URB1: variants seen among roughly 807,000 people sequenced by gnomAD.
URB1 encodes URB1 ribosome biogenesis factor, also known as nucleolar pre-ribosomal-associated protein 1.
URB1 carries 197 observed loss-of-function variants against 242.3 expected under a neutral mutation model. The observed-to-expected ratio is 0.81, with a 90% confidence interval of 0.72 to 0.91. The LOEUF (loss-of-function observed/expected upper bound fraction) is 0.91. Ranked by LOEUF, URB1 falls within the 40% of genes least tolerant of loss-of-function variation. The pLI is 0.00. For missense variants in URB1, 2,721 were observed against 2,860.5 expected (o/e 0.95, Z 1.11); for synonymous variants, 1,153 against 1,201.8 (o/e 0.96, Z 0.84).
chr21:32,343,038 AAAAG>A (rs2033048177), intron 24 of URB1, among the ~76,000 whole-genome samples: 1 of 152,168 alleles, frequency 6.6e-6, no homozygotes, highest in African/African-American at 2.4e-5. Flanking sequence ...AAAAACAAAC[AAAAG>A]ACCAGGCTAC....
chr21:32,340,333 C>T (rs1217188352), intron 25 of URB1, among the ~76,000 whole-genome samples: 1 of 152,154 alleles, frequency 6.6e-6, no homozygotes, highest in Admixed American at 6.5e-5. Context: ...ATTCGCTGGC[C>T]GGGCACAGTG....
Position 32,311,488 on chromosome 21 carries a change from G to A in URB1, c.*3430C>T. On this transcript the variant is annotated 3_prime_UTR_variant, in exon 39 of 39. Transcript: ENST00000382751. ...GACCTGAGGCCTAGTTCCTGACAAA[G>A]CACTTCCTCTCCTCTGAGATTTCTC... 2.1e-6 allele frequency: 1 copy of A among 476,026 alleles called. No individual in the cohort carries two copies. The allele number at this position is 476,026 out of a possible 1,614,324, so 29.5% of individuals were successfully genotyped here.
intron 30 of URB1, among the ~76,000 whole-genome samples, chr21:32,332,869 C>G (rs2032912668): frequency 1.3e-5 from 2 of 152,098 alleles, no homozygotes; most frequent in African/African-American, 4.8e-5. Flanking sequence ...TCCCCACAAC[C>G]CATTCACCCA....
chr21:32,323,991 A>C (rs11700658), intron 32 of URB1, among the ~76,000 whole-genome samples: 83,935 of 151,942 alleles, frequency 0.55, 28,212 homozygotes, highest in Non-Finnish European at 0.75. Flanking sequence ...TGTGATCCTC[A>C]TCACCCTCAC....
In URB1 at chr21:32,341,529, G is replaced by A. The variant is rs372582182; in HGVS notation, c.4258-5C>T. ...ATCAACTTCATTAAGTGCATGCTAT[G>A]AATAAAATAAGTAAGAAAAACACAT... On this transcript the variant is annotated splice_region_variant and splice_polypyrimidine_tract_variant and intron_variant, in intron 24 of 38. Transcript: ENST00000382751. 6 of 1,550,852 alleles carry A rather than the reference G, an allele frequency of 3.9e-6. No individual in the cohort carries two copies. In the African/African-American group the frequency reaches 5.5e-5, roughly 14 times the overall value.
intron 21 of URB1, among the ~76,000 whole-genome samples, chr21:32,348,345 G>T (rs1339579684): frequency 2.0e-5 from 3 of 152,082 alleles, no homozygotes; most frequent in African/African-American, 4.8e-5. Flanking sequence ...AAAGTGGGTT[G>T]GGATTAAACC....
Position 32,314,256 on chromosome 21 carries a change from C to T in URB1, c.*662G>A, listed in dbSNP as rs2032641704. 2.8e-6 allele frequency: 1 copy of T among 359,208 alleles called. No individual in the cohort carries two copies. The highest frequency in any genetic ancestry group is 2.4e-5 in the South Asian group (1 of 42,124). 22.3% of individuals were successfully genotyped at this position (359,208 alleles called of 1,614,324 possible). Reference sequence around the variant, plus strand: ...CTGGAGCGCAATGGCACGATCTCAGCTCACTGTAGCCTCCACCTCCCAGGT... The same window carrying T: ...CTGGAGCGCAATGGCACGATCTCAGTTCACTGTAGCCTCCACCTCCCAGGT... On this transcript the variant is annotated 3_prime_UTR_variant, in exon 39 of 39. Coordinates refer to ENST00000382751, the MANE Select transcript of URB1 (RefSeq NM_014825.3).
At chr21:32,341,416 C>A (rs990005462) in intron 25 of URB1, 50 bp downstream of exon 25, 24 of 1,525,062 alleles carry the variant, frequency 1.6e-5, no homozygotes, top group Non-Finnish European at 2.1e-5. Flanking sequence ...GCATGCTGAA[C>A]GACATTCACA....
intron 1 of URB1, among the ~76,000 whole-genome samples, chr21:32,390,947 G>A (rs1052470812): frequency 4.6e-5 from 7 of 152,294 alleles, no homozygotes; most frequent in African/African-American, 1.4e-4. Context: ...ATTCACAATA[G>A]CAAAGACTTG....
In URB1 at chr21:32,361,978, A is replaced by T; in HGVS notation, c.1553T>A (p.Leu518His). The change falls in exon 12 of 39, where the codon CTT (leucine) becomes CAT (histidine). Residue 518 changes from leucine (L) to histidine (H), a missense_variant. Leu to His is a moderately conservative substitution (Grantham distance 99). Transcript: ENST00000382751. ...ATCCTGTTTGGTCTCTTGCTTTTTAAGTGACTGCCAGACCCACACGACAGT... is the reference window on the plus strand; with the variant it reads ...ATCCTGTTTGGTCTCTTGCTTTTTATGTGACTGCCAGACCCACACGACAGT... ...LNTVVWVWQS[L>H]KKQETKQDDK... 1 of 1,551,586 alleles carries T rather than the reference A, an allele frequency of 6.4e-7. No homozygotes were observed.
At position 32,373,763 on chromosome 21, in the gene URB1, T is replaced by C. The variant is rs1471727190; in HGVS notation, c.760A>G (p.Asn254Asp). ...TTCTGGGTTTTTGTGATATTTTTAT[T>C]GTGAACTACCTGAAACAATAATAAA... ...LSTLKTKVVHNKNITKTQKVR... is the reference protein window; with the variant it reads ...LSTLKTKVVHDKNITKTQKVR... The change falls in exon 7 of 39, where the codon AAT becomes GAT. Residue 254 changes from asparagine (N) to aspartate (D), a missense_variant. Transcript: ENST00000382751. 5 of 1,540,486 alleles carry C rather than the reference T, an allele frequency of 3.2e-6. No individual in the cohort carries two copies. Among genetic ancestry groups the C allele is most frequent in the African/African-American group, 2.8e-5 (2 of 72,484 alleles).
chr21:32,334,129 G>C, intron 29 of URB1, 34 bp downstream of exon 29: 2 of 1,502,812 alleles, frequency 1.3e-6, no homozygotes, highest in Non-Finnish European at 9.0e-7. Flanking sequence ...CTGGGGTGAA[G>C]GGGTGGGTAG....
rs566580826 is a variant in URB1, at chr21:32,359,091, G to A, written c.1869+705C>T. Among the ~76,000 whole-genome samples, 73 of 152,300 alleles carry A rather than the reference G, an allele frequency of 4.8e-4. 2 individuals carry two copies. In the South Asian group the frequency reaches 7.9e-3, roughly 16 times the overall value. On this transcript the variant is annotated intron_variant, in intron 14 of 38. Transcript: ENST00000382751. ...ATTCTTAAGTCTTCCTGGAAATGTC[G>A]CGTGTAGAAATGCCAACATACATTT...
At chr21:32,345,967 T>C (rs936798766) in intron 22 of URB1, among the ~76,000 whole-genome samples, 1 of 152,202 alleles carries the variant, frequency 6.6e-6, no homozygotes, top group South Asian at 2.1e-4. Flanking sequence ...AAATCTCATG[T>C]TGAAATGTGA....
intron 6 of URB1, among the ~76,000 whole-genome samples, chr21:32,374,515 C>T (rs897638443): frequency 3.9e-5 from 6 of 152,202 alleles, no homozygotes; most frequent in Non-Finnish European, 7.3e-5. Context: ...ACAACACTTC[C>T]TCCTCAAGAA....
chr21:32,368,836 C>T (rs9984642), intron 8 of URB1, among the ~76,000 whole-genome samples: 1 of 151,980 alleles, frequency 6.6e-6, no homozygotes, highest in Admixed American at 6.5e-5. Flanking sequence ...GTCCTGCGAT[C>T]TTTCTTCTTT....
At chr21:32,335,484 G>A (rs1223237840) in intron 28 of URB1, 1 of 152,358 alleles carries the variant, frequency 6.6e-6, no homozygotes, top group Non-Finnish European at 1.5e-5. Context: ...CATTCCCATA[G>A]GTTTTCCTGA....
chr21:32,374,823 T>C (rs1046346869), intron 6 of URB1, among the ~76,000 whole-genome samples: 2 of 152,122 alleles, frequency 1.3e-5, no homozygotes, highest in Non-Finnish European at 2.9e-5. Context: ...GAAGGCAAAA[T>C]TGCCCCCATT....
intron 30 of URB1, among the ~76,000 whole-genome samples, chr21:32,329,216 T>C (rs2032865538): frequency 6.6e-6 from 1 of 152,030 alleles, no homozygotes; most frequent in African/African-American, 2.4e-5. Context: ...CAGTGAGCCA[T>C]GATCATGCCA....
Sources: gnomAD v4.1 joint callset for allele counts (sites outside exome capture counted in the v4.1 genomes callset) on GRCh38, gnomAD v4.1.1 for gene constraint, MANE v1.5 for transcripts, NCBI Gene and HGNC (gene_info 2026-07-23, HGNC 2026-07-21) for gene names.